Variants in PCSK5 observed in about 807,000 individuals in gnomAD.
The protein encoded by PCSK5 is prohormone convertase 5.
In PCSK5, 129 loss-of-function variants were observed where a neutral mutation model predicts 233.2. The ratio of observed to expected loss-of-function variants is 0.55; its 90% CI spans 0.48 to 0.64. The LOEUF is 0.64. Ranked by LOEUF, PCSK5 falls within the 30% of genes least tolerant of loss-of-function variation. PCSK5 has a pLI of 0.00. For synonymous variants in PCSK5, 825 were observed against 879.2 expected, an observed-to-expected ratio of 0.94 and a Z score of 1.09; for missense variants, 2,076 against 2,430.1, an observed-to-expected ratio of 0.85 and a Z score of 3.06.
intron 5 of PCSK5, among the ~76,000 whole-genome samples, chr9:76,060,147 G>A (rs1322010166): frequency 6.6e-6 from 1 of 152,100 alleles, no homozygotes; most frequent in Non-Finnish European, 1.5e-5. Context: ...ATGTACACTT[G>A]ACCCTTGAAC....
chr9:76,332,401 T>A, intron 33 of PCSK5, 32 bp from the exon 34 acceptor site: 1 of 1,576,218 alleles, frequency 6.3e-7, no homozygotes, highest in Non-Finnish European at 8.7e-7. Flanking sequence ...TCATGCTCGA[T>A]GTCCAAATAG....
intron 9 of PCSK5, among the ~76,000 whole-genome samples, chr9:76,129,037 A>G (rs1822644608): frequency 6.6e-6 from 1 of 152,078 alleles, no homozygotes; most frequent in Non-Finnish European, 1.5e-5. Flanking sequence ...TCTTTGTTGG[A>G]CGGTCAGTAT....
chr9:76,159,194 C>T, intron 12 of PCSK5, 23 bp downstream of exon 12: 1 of 1,608,544 alleles, frequency 6.2e-7, no homozygotes, highest in Non-Finnish European at 8.5e-7. Context: ...TCTCTGCCCA[C>T]CAGTGTAGTA....
intron 3 of PCSK5, among the ~76,000 whole-genome samples, chr9:76,015,377 T>G (rs562719582): frequency 6.6e-6 from 1 of 152,266 alleles, no homozygotes. Context: ...GAAATACTAT[T>G]TACCAGCTCT....
At chr9:76,276,734 AC>A (rs1409039887) in intron 24 of PCSK5, among the ~76,000 whole-genome samples, 1 of 151,776 alleles carries the variant, frequency 6.6e-6, no homozygotes, top group Non-Finnish European at 1.5e-5. Flanking sequence ...TCACTCTCTA[AC>A]CCTTTATCTG....
intron 30 of PCSK5, among the ~76,000 whole-genome samples, chr9:76,319,289 G>A (rs1468970292): frequency 6.6e-6 from 1 of 151,996 alleles, no homozygotes; most frequent in African/African-American, 2.4e-5. Flanking sequence ...GGATTACCTA[G>A]GTGCCGAGGC....
intron 35 of PCSK5, among the ~76,000 whole-genome samples, chr9:76,348,763 C>T (rs1448035664): frequency 6.6e-6 from 1 of 152,052 alleles, no homozygotes; most frequent in Non-Finnish European, 1.5e-5. Context: ...CTAACTAGAA[C>T]TTTATACCCT....
At chr9:75,992,652 A>G (rs1437314211) in intron 3 of PCSK5, among the ~76,000 whole-genome samples, 1 of 152,122 alleles carries the variant, frequency 6.6e-6, no homozygotes, top group African/African-American at 2.4e-5. Context: ...AAGTGTTTCT[A>G]TTTGACTCTC....
intron 37 of PCSK5, among the ~76,000 whole-genome samples, chr9:76,358,010 A>G (rs1223674392): frequency 6.6e-6 from 1 of 152,202 alleles, no homozygotes; most frequent in Non-Finnish European, 1.5e-5. Context: ...AAGATGAAGT[A>G]TTTTCTTAGG....
chr9:76,213,866 C>T (rs1336879835), intron 20 of PCSK5, among the ~76,000 whole-genome samples: 1 of 152,110 alleles, frequency 6.6e-6, no homozygotes, highest in Non-Finnish European at 1.5e-5. Flanking sequence ...TTGTCTCTCT[C>T]TGAAACATTC....
At chr9:76,330,403 C>T (rs887951045) in intron 33 of PCSK5, among the ~76,000 whole-genome samples, 8 of 152,234 alleles carry the variant, frequency 5.3e-5, no homozygotes, top group African/African-American at 1.9e-4. Context: ...AGTATGAGCA[C>T]TTTTCTCCCC....
intron 24 of PCSK5, among the ~76,000 whole-genome samples, chr9:76,249,692 T>A (rs1224015016): frequency 6.6e-6 from 1 of 152,004 alleles, no homozygotes; most frequent in Non-Finnish European, 1.5e-5. Context: ...AATGACAGAA[T>A]GTAGGAGGAT....
intron 2 of PCSK5, among the ~76,000 whole-genome samples, chr9:75,955,070 C>T (rs1315608204): frequency 6.6e-6 from 1 of 152,060 alleles, no homozygotes; most frequent in Non-Finnish European, 1.5e-5. Context: ...TGAAGGGAAA[C>T]CTAGTATTTG....
At chr9:76,113,294 G>C in intron 9 of PCSK5, among the ~76,000 whole-genome samples, 1 of 152,154 alleles carries the variant, frequency 6.6e-6, no homozygotes. Flanking sequence ...GAAGTTAAAG[G>C]AGTGTTGAGC....
At chr9:76,189,019 G>A in intron 18 of PCSK5, 75 bp from the exon 19 acceptor site, 1 of 1,334,462 alleles carries the variant, frequency 7.5e-7, no homozygotes, top group Non-Finnish European at 1.0e-6. Context: ...TTCTCAAACT[G>A]TTAAAGAAGA....
At chr9:76,105,192 C>T (rs1022638786) in intron 8 of PCSK5, among the ~76,000 whole-genome samples, 2 of 152,196 alleles carry the variant, frequency 1.3e-5, no homozygotes, top group African/African-American at 4.8e-5. Context: ...ATGGAATATA[C>T]TCAGCCTTAT....
chr9:76,204,880 G>A (rs1825052815), intron 20 of PCSK5, among the ~76,000 whole-genome samples: 2 of 152,180 alleles, frequency 1.3e-5, no homozygotes, highest in Non-Finnish European at 2.9e-5. Context: ...ATTAAATTAT[G>A]TCAGATGGAA....
intron 5 of PCSK5, among the ~76,000 whole-genome samples, chr9:76,035,970 G>A (rs1828844348): frequency 6.6e-6 from 1 of 151,844 alleles, no homozygotes. Context: ...GGAAAGAAAA[G>A]CCCTTATTTT....
intron 8 of PCSK5, among the ~76,000 whole-genome samples, chr9:76,105,394 A>C (rs1409518447): frequency 6.6e-6 from 1 of 152,216 alleles, no homozygotes; most frequent in Non-Finnish European, 1.5e-5. Context: ...GAGAGTGAGG[A>C]ACTGTTCAGT....
Sources: gnomAD v4.1 joint callset for allele counts (sites outside exome capture counted in the v4.1 genomes callset) on GRCh38, gnomAD v4.1.1 for gene constraint, MANE v1.5 for transcripts, NCBI Gene and HGNC (gene_info 2026-07-23, HGNC 2026-07-21) for gene names.